Variants in FHIT observed in about 807,000 individuals in gnomAD.
FHIT encodes the protein bis(5'-adenosyl)-triphosphatase.
Under a neutral mutation model 17.9 loss-of-function variants are expected in FHIT, and 19 were observed. The ratio of observed to expected loss-of-function variants is 1.06; its 90% CI spans 0.74 to 1.56. The LOEUF is 1.56. Among genes scored for constraint, FHIT ranks in the 40% most tolerant of loss-of-function variants. The probability of loss-of-function intolerance (pLI) is 0.00; values close to 1 mark genes in which losing one functional copy is unlikely to be tolerated. For synonymous variants in FHIT, 81 were observed against 69.7 expected, an observed-to-expected ratio of 1.16 and a Z score of -0.81; for missense variants, 248 against 189.2, an observed-to-expected ratio of 1.31 and a Z score of -1.82.
Position 59,903,654 on chromosome 3 carries a change from C to T in FHIT, c.348+18692G>A, listed in dbSNP as rs142843385. 8.0e-3 allele frequency among the ~76,000 whole-genome samples: 1,215 copies of T among 152,080 alleles called. 5 individuals are homozygous for T. Among genetic ancestry groups the T allele is most frequent in the Non-Finnish European group, 0.012 (825 of 67,996 alleles). On this transcript the variant is annotated intron_variant, in intron 8 of 9. Transcript: ENST00000492590. ...TCTAGAAGAGGAGGATTATTGTAGC[C>T]TGGAGTAGTTAGAAAAGCCCTCGAG...
chr3:60,254,348 A>G (rs1705874603), intron 5 of FHIT, among the ~76,000 whole-genome samples: 1 of 152,156 alleles, frequency 6.6e-6, no homozygotes, highest in South Asian at 2.1e-4. Flanking sequence ...TTATCTAATA[A>G]GAAATGAAGT....
chr3:61,127,325 C>T (rs1295099476), intron 2 of FHIT, among the ~76,000 whole-genome samples: 1 of 152,152 alleles, frequency 6.6e-6, no homozygotes, highest in Admixed American at 6.5e-5. Flanking sequence ...TGTTCTGCCA[C>T]TCAGTTGTTT....
chr3:60,104,198 C>G (rs138875518), intron 5 of FHIT, among the ~76,000 whole-genome samples: 1,931 of 152,248 alleles, frequency 0.013, 26 homozygotes, highest in South Asian at 0.043. Flanking sequence ...ATAACTTTTC[C>G]TTTAGTTGTT....
At chr3:60,378,106 G>A (rs1210695048) in intron 5 of FHIT, among the ~76,000 whole-genome samples, 1 of 151,576 alleles carries the variant, frequency 6.6e-6, no homozygotes, top group African/African-American at 2.4e-5. Flanking sequence ...GGCTCACTGC[G>A]AGCTCCACCT....
intron 5 of FHIT, among the ~76,000 whole-genome samples, chr3:60,369,824 A>AGT (rs1272405904): frequency 6.6e-6 from 1 of 152,180 alleles, no homozygotes; most frequent in East Asian, 1.9e-4. Context: ...TGTCTTACAG[A>AGT]GTCCCACTCT....
intron 4 of FHIT, among the ~76,000 whole-genome samples, chr3:60,637,063 A>G (rs2039606210): frequency 6.6e-6 from 1 of 152,086 alleles, no homozygotes; most frequent in African/African-American, 2.4e-5. Context: ...ATAGAGAGAG[A>G]AGAGAAGCTC....
chr3:60,147,387 G>T (rs1288582222), intron 5 of FHIT, among the ~76,000 whole-genome samples: 1 of 152,114 alleles, frequency 6.6e-6, no homozygotes, highest in Non-Finnish European at 1.5e-5. Flanking sequence ...CAGCAGCTCT[G>T]GGTTTCGAAG....
At chr3:60,566,279 C>A (rs918951896) in intron 4 of FHIT, among the ~76,000 whole-genome samples, 6 of 151,958 alleles carry the variant, frequency 3.9e-5, no homozygotes, top group African/African-American at 1.4e-4. Flanking sequence ...TGGGTTTCAT[C>A]CCTGGGATGC....
chr3:60,067,782 C>A, intron 5 of FHIT, among the ~76,000 whole-genome samples: 1 of 152,218 alleles, frequency 6.6e-6, no homozygotes. Flanking sequence ...AGCTTGTTAA[C>A]TAGATGAATG....
chr3:60,569,989 C>T (rs1576899387), intron 4 of FHIT, among the ~76,000 whole-genome samples: 1 of 151,912 alleles, frequency 6.6e-6, no homozygotes, highest in South Asian at 2.1e-4. Context: ...ACAATCATTA[C>T]TACAATCAAT....
intron 5 of FHIT, among the ~76,000 whole-genome samples, chr3:60,484,960 GA>G (rs869281507): frequency 6.6e-6 from 1 of 151,664 alleles, no homozygotes; most frequent in Non-Finnish European, 1.5e-5. Flanking sequence ...AAATTTACAA[GA>G]AAAAAACAAC....
At chr3:61,042,998 T>G (rs1436964688) in intron 2 of FHIT, among the ~76,000 whole-genome samples, 1 of 152,132 alleles carries the variant, frequency 6.6e-6, no homozygotes, top group Non-Finnish European at 1.5e-5. Context: ...GGTTCCAAGA[T>G]GGCCGAATAG....
At chr3:59,950,112 T>C (rs1166671139) in intron 7 of FHIT, among the ~76,000 whole-genome samples, 1 of 152,180 alleles carries the variant, frequency 6.6e-6, no homozygotes, top group Non-Finnish European at 1.5e-5. Context: ...TGAATACTCC[T>C]CCCTGGCTCC....
intron 2 of FHIT, among the ~76,000 whole-genome samples, chr3:61,139,401 T>A (rs943674843): frequency 6.6e-6 from 1 of 152,204 alleles, no homozygotes; most frequent in African/African-American, 2.4e-5. Flanking sequence ...AAAATTCATA[T>A]GCAGAAATCC....
chr3:60,567,837 C>A (rs2037196705), intron 4 of FHIT, among the ~76,000 whole-genome samples: 2 of 152,150 alleles, frequency 1.3e-5, no homozygotes, highest in African/African-American at 4.8e-5. Flanking sequence ...ATTTATGCAG[C>A]CAAAAGACAC....
chr3:59,791,861 G>T (rs528818906), intron 8 of FHIT, among the ~76,000 whole-genome samples: 1 of 152,216 alleles, frequency 6.6e-6, no homozygotes, highest in East Asian at 1.9e-4. Context: ...AGAAAGTAGG[G>T]GCGCCAAGGT....
chr3:60,250,596 G>C (rs998490933), intron 5 of FHIT, among the ~76,000 whole-genome samples: 3 of 152,172 alleles, frequency 2.0e-5, no homozygotes, highest in Admixed American at 2.0e-4. Flanking sequence ...CCAGGGCATG[G>C]GGCTGAATTA....
chr3:60,734,071 C>T (rs1044996129), intron 4 of FHIT, among the ~76,000 whole-genome samples: 1 of 152,160 alleles, frequency 6.6e-6, no homozygotes, highest in African/African-American at 2.4e-5. Context: ...CCCAATCCTA[C>T]AAACTTTCAG....
intron 3 of FHIT, among the ~76,000 whole-genome samples, chr3:60,875,896 C>A (rs996312259): frequency 6.9e-6 from 1 of 145,188 alleles, no homozygotes; most frequent in African/African-American, 2.5e-5. Flanking sequence ...TTCAGGGTGT[C>A]AATTTTTAGC....
Sources: allele counts gnomAD v4.1 joint callset (sites outside exome capture counted in the v4.1 genomes callset), GRCh38; gene constraint gnomAD v4.1.1; transcripts MANE v1.5; gene names NCBI Gene and HGNC (gene_info 2026-07-23, HGNC 2026-07-21).